Variants in DUSP11 observed in about 807,000 individuals in gnomAD.
DUSP11 encodes dual specificity phosphatase 11, also known as RNA/RNP complex-1-interacting phosphatase.
In DUSP11, 27 loss-of-function variants were observed where a neutral mutation model predicts 41.4. The observed-to-expected ratio is 0.65, with a 90% CI of 0.48 to 0.90. The LOEUF (loss-of-function observed/expected upper bound fraction) is 0.90. Among genes scored for constraint, DUSP11 ranks in the 40% least tolerant of loss-of-function variants. The pLI is 0.00. For synonymous variants in DUSP11, 188 were observed against 159.3 expected, an observed-to-expected ratio of 1.18 and a Z score of -1.35; for missense variants, 465 against 461.1, an observed-to-expected ratio of 1.01 and a Z score of -0.08.
At chr2:73,777,755 G>C (rs1174837272) in intron 2 of DUSP11, among the ~76,000 whole-genome samples, 1 of 152,164 alleles carries the variant, frequency 6.6e-6, no homozygotes, top group Non-Finnish European at 1.5e-5. Context: ...GATTAATATA[G>C]ATAAAAAGCT....
chr2:73,768,684 C>T (rs1038566215), intron 5 of DUSP11: 67 of 985,162 alleles, frequency 6.8e-5, no homozygotes, highest in Non-Finnish European at 7.4e-5. Flanking sequence ...TGGCCAGGCG[C>T]GGTGGCTCAC....
At chr2:73,766,988 C>G in intron 6 of DUSP11, 85 bp from the exon 7 acceptor site, 2 of 1,329,978 alleles carry the variant, frequency 1.5e-6, no homozygotes, top group South Asian at 2.4e-5. Context: ...ATTCACTATT[C>G]AAGCTGTTAT....
exon 1 of DUSP11, chr2:73,779,907 G>A (rs1251923886): frequency 6.2e-7 from 1 of 1,614,184 alleles, no homozygotes; most frequent in Middle Eastern, 1.7e-4. Flanking sequence ...CTTCTTCTTG[G>A]CTGAGGAGCG....
At chr2:73,773,602 T>C in intron 4 of DUSP11, 198 bp downstream of exon 4, 1 of 500,224 alleles carries the variant, frequency 2.0e-6, no homozygotes, top group Non-Finnish European at 3.5e-6. Context: ...GCACTAAAAC[T>C]AATTTAACAT....
At chr2:73,776,191 G>T (rs1672681962) in intron 2 of DUSP11, among the ~76,000 whole-genome samples, 1 of 151,864 alleles carries the variant, frequency 6.6e-6, no homozygotes, top group Non-Finnish European at 1.5e-5. Flanking sequence ...GAGGCAGGAG[G>T]ATCACGAGGT....
exon 9 of DUSP11, chr2:73,762,703 G>A: frequency 1.2e-6 from 2 of 1,613,626 alleles, no homozygotes; most frequent in Non-Finnish European, 1.7e-6. Context: ...AGAGTCTGGA[G>A]TAATTATAAG....
At chr2:73,773,211 A>G (rs1672618997) in intron 4 of DUSP11, 1 of 152,854 alleles carries the variant, frequency 6.5e-6, no homozygotes, top group Non-Finnish European at 1.5e-5. Flanking sequence ...GTGAAGAATA[A>G]GAGGTGGTGG....
intron 5 of DUSP11, chr2:73,768,708 G>A: frequency 1.0e-6 from 1 of 975,162 alleles, no homozygotes; most frequent in Non-Finnish European, 1.2e-6. Flanking sequence ...TGTAATACCA[G>A]CACTTTGGGA....
At chr2:73,764,538 T>C (rs1170968705) in intron 8 of DUSP11, among the ~76,000 whole-genome samples, 1 of 152,202 alleles carries the variant, frequency 6.6e-6, no homozygotes. Context: ...AAAATATCTA[T>C]CTGACTAATG....
chr2:73,771,405 G>A (rs368743267), intron 4 of DUSP11, among the ~76,000 whole-genome samples: 1 of 152,100 alleles, frequency 6.6e-6, no homozygotes. Flanking sequence ...CCTGCAGCTC[G>A]AATGTTGTCT....
At chr2:73,775,627 G>A (rs1465917440) in intron 2 of DUSP11, among the ~76,000 whole-genome samples, 3 of 150,022 alleles carry the variant, frequency 2.0e-5, no homozygotes, top group Non-Finnish European at 4.4e-5. Context: ...AGGCCAAGGC[G>A]GGAGGATCAC....
exon 9 of DUSP11, chr2:73,762,815 G>A (rs1281581339): frequency 6.2e-7 from 1 of 1,609,460 alleles, no homozygotes; most frequent in East Asian, 2.2e-5. Flanking sequence ...ACCAGGAGGA[G>A]GGAGATGGTG....
At chr2:73,766,724 CAACA>C (rs1462152146) in intron 7 of DUSP11, 100 bp downstream of exon 7, 20 of 1,366,942 alleles carry the variant, frequency 1.5e-5, no homozygotes, top group Admixed American at 1.2e-4. Flanking sequence ...CATCTCCCCC[CAACA>C]AACAAACAAG....
At chr2:73,770,462 C>CT (rs1276580423) in intron 4 of DUSP11, among the ~76,000 whole-genome samples, 372 of 151,278 alleles carry the variant, frequency 2.5e-3, no homozygotes, top group African/African-American at 8.6e-3. Flanking sequence ...TTGCAGTGTG[C>CT]CAAAATGGTG....
At position 73,766,729 on chromosome 2, in the gene DUSP11, A is replaced by G. The variant is rs866489262; in HGVS notation, c.758+99T>C. 97 of 1,374,198 alleles carry G rather than the reference A, an allele frequency of 7.1e-5. No individual in the cohort carries two copies. In the African/African-American group the frequency reaches 1.1e-3, roughly 16 times the overall value. 85.1% of individuals were successfully genotyped at this position (1,374,198 alleles called of 1,614,324 possible). A position where few individuals can be genotyped will look rare whatever the true frequency, so the allele number is the denominator to read the frequency against. The stretch of plus-strand genomic sequence containing the variant: ...TATTTGTTTACATCTCCCCCCAACA[A>G]ACAAACAAGCTACCAGAAGAATGAA... On this transcript the variant is annotated intron_variant, in intron 7 of 8. Transcript: ENST00000272444.
At chr2:73,773,024 A>C (rs571295830) in intron 4 of DUSP11, among the ~76,000 whole-genome samples, 156 of 152,368 alleles carry the variant, frequency 1.0e-3, no homozygotes, top group Non-Finnish European at 2.0e-3. Flanking sequence ...TCCAAAGATA[A>C]AAGCTTCTTC....
chr2:73,765,573 T>TATCCATCC (rs747641644), intron 8 of DUSP11, among the ~76,000 whole-genome samples: 2,223 of 151,586 alleles, frequency 0.015, 63 homozygotes, highest in African/African-American at 0.051. Flanking sequence ...CCCATCCATC[T>TATCCATCC]ATCCATCCAT....
chr2:73,770,070 G>A (rs1028649197), intron 4 of DUSP11, among the ~76,000 whole-genome samples: 4 of 151,922 alleles, frequency 2.6e-5, no homozygotes, highest in Non-Finnish European at 5.9e-5. Flanking sequence ...AGGTGTGGTG[G>A]CTCACGCCTG....
In DUSP11 at chr2:73,778,392, T is replaced by C. The variant is rs1036362768; in HGVS notation, c.243-16A>G. 1.4e-6 allele frequency: 2 copies of C among 1,463,484 alleles called. No individual in the cohort carries two copies. Among genetic ancestry groups the C allele is most frequent in the Admixed American group, 2.6e-5 (1 of 38,476 alleles). 90.7% of individuals were successfully genotyped at this position (1,463,484 alleles called of 1,614,324 possible). ...GTCTTTCCACCTATTAGATATATTTTTTGTTAGCCAAATTGTATGTTAGCC... is the reference window on the plus strand; with the variant it reads ...GTCTTTCCACCTATTAGATATATTTCTTGTTAGCCAAATTGTATGTTAGCC... On this transcript the variant is annotated splice_polypyrimidine_tract_variant and intron_variant, in intron 1 of 8. Coordinates refer to ENST00000272444, the Ensembl canonical transcript of DUSP11.
Sources: allele counts gnomAD v4.1 joint callset (sites outside exome capture counted in the v4.1 genomes callset), GRCh38; gene constraint gnomAD v4.1.1; transcripts MANE v1.5; gene names NCBI Gene and HGNC (gene_info 2026-07-23, HGNC 2026-07-21).